The following WFIKKN1 variants were observed in gnomAD, a reference collection of about 807,000 sequenced individuals.
WFIKKN1 encodes the protein WAP, Kazal, immunoglobulin, Kunitz and NTR domain-containing protein 1.
In WFIKKN1, 6 loss-of-function variants were observed where a neutral mutation model predicts 4.6. The observed-to-expected ratio is 1.31, with a 90% CI of 0.72 to 2.59. WFIKKN1 has a LOEUF of 2.59. WFIKKN1 is among the 30% of genes most tolerant of loss of function. The pLI is 0.00. For synonymous variants in WFIKKN1, 468 were observed against 367.4 expected, an observed-to-expected ratio of 1.27 and a Z score of -3.13; for missense variants, 964 against 818.0, an observed-to-expected ratio of 1.18 and a Z score of -2.18.
chr16:633,694 G>A lies in WFIKKN1; in HGVS notation c.1284G>A (p.Leu428=), dbSNP rs765104909. ...RACRLRSKLA[L]SLCRSDFAIV... Reference sequence around the variant, plus strand: ...GCCGCCTCCGGAGCAAGCTGGCGCTGAGCCTGTGCCGCAGCGACTTCGCCA... The same window carrying A: ...GCCGCCTCCGGAGCAAGCTGGCGCTAAGCCTGTGCCGCAGCGACTTCGCCA... The change falls in exon 2 of 2, where the codon CTG becomes CTA. Residue 428 remains leucine (L), a synonymous_variant. Transcript: ENST00000319070. 5.1e-6 allele frequency: 8 copies of A among 1,584,150 alleles called. No individual in the cohort carries two copies. The highest frequency in any genetic ancestry group is 6.9e-6 in the Non-Finnish European group (8 of 1,165,844).
At chr16:631,480 C>T (rs1004959205) in intron 1 of WFIKKN1, 56 bp downstream of exon 1, 3 of 1,569,166 alleles carry the variant, frequency 1.9e-6, no homozygotes, top group Admixed American at 1.9e-5. Context: ...TGGGCAAGAC[C>T]CTGCTGGAGG....
chr16:633,735 C>A lies in WFIKKN1; in HGVS notation c.1325C>A (p.Thr442Lys). The change falls in exon 2 of 2, where the codon ACG (threonine) becomes AAG (lysine). Residue 442 changes from threonine to lysine, a missense_variant. Transcript: ENST00000319070. ...GACTTCGCCATCGTGGGGCGGCTCA[C>A]GGAGGTGCTGGAGGAGCCCGAGGCC... The part of the protein sequence containing the change: ...RSDFAIVGRL[T>K]EVLEEPEAAG... The A allele has an allele frequency of 6.3e-7, 1 of 1,589,912 alleles. No homozygotes were observed. The highest frequency in any genetic ancestry group is 1.7e-4 in the Middle Eastern group (1 of 6,024).
In WFIKKN1 at chr16:631,289, C is replaced by A; in HGVS notation, c.36C>A (p.Leu12=). 1.3e-6 allele frequency: 2 copies of A among 1,593,730 alleles called. No individual in the cohort carries two copies. The highest frequency in any genetic ancestry group is 1.7e-6 in the Non-Finnish European group (2 of 1,176,472). Residue 12 remains leucine, a synonymous_variant, in exon 1 of 2, where the codon CTC becomes CTA. Transcript: ENST00000319070. ...TACGTCCACTCCTGCCGCTCCTGCT[C>A]CTCCTCCGGCTGACCTCGGGGGCTG... The part of the protein sequence containing the change: ...PALRPLLPLL[L]LLRLTSGAGL...
At position 633,830 on chromosome 16, in the gene WFIKKN1, G is replaced by T. The variant is rs760804546; in HGVS notation, c.1420G>T (p.Gly474Cys). The change falls in exon 2 of 2, where the codon GGC becomes TGC. Residue 474 changes from glycine (G) to cysteine (C), a missense_variant. Physicochemically the swap from Gly to Cys is radical, Grantham distance 159. Transcript: ENST00000319070. ...TGACAAGATGGGCCTCAAGTTCTTG[G>T]GCACCAAGTACCTGGAGGTGACGCT... ...KDDKMGLKFL[G>C]TKYLEVTLSG... 2 of 1,601,984 alleles carry T rather than the reference G, an allele frequency of 1.2e-6. No individual in the cohort carries two copies. The highest frequency in any genetic ancestry group is 1.1e-5 in the South Asian group (1 of 89,286).
At position 633,379 on chromosome 16, in the gene WFIKKN1, G is replaced by T; in HGVS notation, c.969G>T (p.Arg323=). Residue 323 remains arginine, a synonymous_variant, in exon 2 of 2, where the codon CGG becomes CGT. Coordinates refer to ENST00000319070, the MANE Select transcript of WFIKKN1 (RefSeq NM_053284.3). Reference sequence around the variant, plus strand: ...TCCTCTGGCACTACGACCCGCAGCGGGGCGGCTGCATGACCTTCCCGGCCC... The same window carrying T: ...TCCTCTGGCACTACGACCCGCAGCGTGGCGGCTGCATGACCTTCCCGGCCC... ...HLVLWHYDPQ[R]GGCMTFPARG... The T allele has an allele frequency of 3.2e-6, 5 of 1,566,638 alleles. No individual in the cohort carries two copies. The highest frequency in any genetic ancestry group is 2.3e-5 in the East Asian group (1 of 43,358).
In WFIKKN1 at chr16:632,777, G is replaced by C. The variant is rs1244725700; in HGVS notation, c.367G>C (p.Glu123Gln). 6 of 1,605,594 alleles carry C rather than the reference G, an allele frequency of 3.7e-6. No homozygotes were observed. The highest frequency in any genetic ancestry group is 5.1e-6 in the Non-Finnish European group (6 of 1,176,176). ...VCRCRDRCEKEPSFTCASDGL... is the reference protein window; with the variant it reads ...VCRCRDRCEKQPSFTCASDGL... ...CCGCTGCCGCGACCGCTGTGAGAAG[G>C]AGCCCAGCTTCACCTGCGCCTCGGA... The change falls in exon 2 of 2, where the codon GAG (glutamate) becomes CAG (glutamine). Residue 123 changes from glutamate to glutamine, a missense_variant. Transcript: ENST00000319070.
At position 632,992 on chromosome 16, in the gene WFIKKN1, A is replaced by G; in HGVS notation, c.582A>G (p.Pro194=). The G allele has an allele frequency of 1.3e-6, 2 of 1,597,922 alleles. No homozygotes were observed. The highest frequency in any genetic ancestry group is 1.7e-6 in the Non-Finnish European group (2 of 1,171,334). ...VPPALYSSPS[P]QAVQVGGTAS... ...CTGCCCTGTACAGCAGCCCCTCCCCACAGGCGGTGCAGGTTGGGGGTACGG... is the reference window on the plus strand; with the variant it reads ...CTGCCCTGTACAGCAGCCCCTCCCCGCAGGCGGTGCAGGTTGGGGGTACGG... The change falls in exon 2 of 2, where the codon CCA becomes CCG. Residue 194 remains proline, a synonymous_variant. Coordinates refer to ENST00000319070, the MANE Select transcript of WFIKKN1 (RefSeq NM_053284.3).
At chr16:631,664 G>A (rs920918354) in intron 1 of WFIKKN1, 15 of 378,808 alleles carry the variant, frequency 4.0e-5, no homozygotes, top group South Asian at 2.0e-4. Context: ...CATCCTCGGC[G>A]ACCACCCCCA....
Position 632,569 on chromosome 16 carries a change from C to A in WFIKKN1, c.172-13C>A, listed in dbSNP as rs780797715. On this transcript the variant is annotated splice_polypyrimidine_tract_variant and intron_variant, in intron 1 of 1. Coordinates refer to ENST00000319070, the MANE Select transcript of WFIKKN1 (RefSeq NM_053284.3). ...GGCATTGGGGCTCCCACCTAAGTGT[C>A]CCCCATCCCCAGGACTGTGCGGCTG... The A allele has an allele frequency of 1.1e-5, 16 of 1,500,540 alleles. No individual in the cohort carries two copies. Among genetic ancestry groups the A allele is most frequent in the Non-Finnish European group, 1.4e-5 (16 of 1,123,628 alleles). 93.0% of individuals were successfully genotyped at this position (1,500,540 alleles called of 1,614,324 possible). A position where few individuals can be genotyped will look rare whatever the true frequency, so the allele number is the denominator to read the frequency against.
intron 1 of WFIKKN1, chr16:631,700 C>A: frequency 3.3e-6 from 1 of 298,860 alleles, no homozygotes; most frequent in Non-Finnish European, 6.1e-6. Context: ...TCCTCCCACC[C>A]TCTCCTCCCA....
Position 631,102 on chromosome 16 carries a change from C to A in WFIKKN1, c.-152C>A. 2 of 885,584 alleles carry A rather than the reference C, an allele frequency of 2.3e-6. No individual in the cohort carries two copies. The highest frequency in any genetic ancestry group is 3.3e-6 in the Non-Finnish European group (2 of 604,764). 54.9% of individuals were successfully genotyped at this position (885,584 alleles called of 1,614,324 possible). A position where few individuals can be genotyped will look rare whatever the true frequency, so the allele number is the denominator to read the frequency against. On this transcript the variant is annotated 5_prime_UTR_variant, in exon 1 of 2. Coordinates refer to ENST00000319070, the MANE Select transcript of WFIKKN1 (RefSeq NM_053284.3). Reference sequence around the variant, plus strand: ...TGTCAGGACAAGCATCTGCTGCAGGCTTCAGCCTCAGGGGCAAAAGGGAGC... The same window carrying A: ...TGTCAGGACAAGCATCTGCTGCAGGATTCAGCCTCAGGGGCAAAAGGGAGC...
In WFIKKN1 at chr16:631,111, CAG is replaced by C. The variant is rs1350206835; in HGVS notation, c.-142_-141del. The stretch of plus-strand genomic sequence containing the variant: ...AAGCATCTGCTGCAGGCTTCAGCCT[CAG>C]GGGCAAAAGGGAGCCCCGGGGTCCT... On this transcript the variant is annotated 5_prime_UTR_variant, in exon 1 of 2. Coordinates refer to ENST00000319070, the MANE Select transcript of WFIKKN1 (RefSeq NM_053284.3). 2.1e-5 allele frequency: 21 copies of C among 979,940 alleles called. No individual in the cohort carries two copies. The highest frequency in any genetic ancestry group is 2.9e-5 in the Non-Finnish European group (20 of 690,558). The allele number at this position is 979,940 out of a possible 1,614,324, so 60.7% of individuals were successfully genotyped here.
At position 633,890 on chromosome 16, in the gene WFIKKN1, A is replaced by G; in HGVS notation, c.1480A>G (p.Met494Val). The G allele has an allele frequency of 3.8e-6, 6 of 1,595,370 alleles. No homozygotes were observed. Among genetic ancestry groups the G allele is most frequent in the Non-Finnish European group, 5.1e-6 (6 of 1,171,704 alleles). Residue 494 changes from methionine (M) to valine (V), a missense_variant, in exon 2 of 2, where the codon ATG becomes GTG. Physicochemically the swap from Met to Val is conservative, Grantham distance 21 (BLOSUM62 1). Transcript: ENST00000319070. ...GGACTGGGCCTGCCCCTGCCCCAAC[A>G]TGACGGCGGGCGACGGGCCGCTGGT... ...GMDWACPCPN[M>V]TAGDGPLVIM...
At position 631,159 on chromosome 16, in the gene WFIKKN1, GC is replaced by G. The variant is rs1276509536; in HGVS notation, c.-92del. The G allele has an allele frequency of 2.1e-6, 3 of 1,400,134 alleles. No homozygotes were observed. Among genetic ancestry groups the G allele is most frequent in the South Asian group, 1.4e-5 (1 of 70,924 alleles). 86.7% of individuals were successfully genotyped at this position (1,400,134 alleles called of 1,614,324 possible). On this transcript the variant is annotated 5_prime_UTR_variant, in exon 1 of 2. Transcript: ENST00000319070. ...GTCCTGGTGGGGGCACCGACCACAG[GC>G]CCGGAGGGTGGATGCCTGCAGGAAG...
intron 1 of WFIKKN1, 24 bp from the exon 2 acceptor site, chr16:632,558 C>T: frequency 6.7e-7 from 1 of 1,486,200 alleles, no homozygotes; most frequent in East Asian, 2.5e-5. Context: ...TTGGGGCTCC[C>T]ACCTAAGTGT....
chr16:631,931 C>T (rs1344088209), intron 1 of WFIKKN1: 1 of 139,158 alleles, frequency 7.2e-6, no homozygotes, highest in African/African-American at 3.0e-5. Flanking sequence ...CCTCTCCTAT[C>T]CACTCCTCCC....
In WFIKKN1 at chr16:631,244, G is replaced by C. The variant is rs771037392; in HGVS notation, c.-10G>C. The C allele has an allele frequency of 1.9e-6, 3 of 1,546,782 alleles. No individual in the cohort carries two copies. Among genetic ancestry groups the C allele is most frequent in the African/African-American group, 1.4e-5 (1 of 72,652 alleles). ...GCCACACCCCCCGGCCCCCTGGCTC[G>C]GCGGCCCTCATGCCCGCCCTACGTC... On this transcript the variant is annotated 5_prime_UTR_variant, in exon 1 of 2. Coordinates refer to ENST00000319070, the MANE Select transcript of WFIKKN1 (RefSeq NM_053284.3).
In WFIKKN1 at chr16:633,634, C is replaced by A; in HGVS notation, c.1224C>A (p.Ala408=). ...ACAGCCGCGAGAGCTGCGAGGATGC[C>A]TGCCCCGTGCCGCGCACACCGCCCT... is the stretch of plus-strand genomic sequence containing the variant. ...NFHSRESCED[A]CPVPRTPPCR... is the part of the protein sequence containing the mutation. Residue 408 remains alanine (A), a synonymous_variant, in exon 2 of 2, where the codon GCC becomes GCA. Transcript: ENST00000319070. 1 of 1,569,770 alleles carries A rather than the reference C, an allele frequency of 6.4e-7. No individual in the cohort carries two copies.
chr16:633,422 G>C lies in WFIKKN1; in HGVS notation c.1012G>C (p.Ala338Pro), dbSNP rs1427781828. ...CCCGGCCCGTGGCTGTGATGGGGCG[G>C]CCCGCGGCTTTGAGACCTACGAGGC... ...TFPARGCDGA[A>P]RGFETYEACQ... Residue 338 changes from alanine to proline, a missense_variant, in exon 2 of 2, where the codon GCC becomes CCC. Physicochemically the swap from Ala to Pro is conservative, Grantham distance 27 (BLOSUM62 -1). Transcript: ENST00000319070. 1.3e-6 allele frequency: 2 copies of C among 1,548,266 alleles called. No homozygotes were observed. Among genetic ancestry groups the C allele is most frequent in the African/African-American group, 2.8e-5 (2 of 72,516 alleles).
Sources: allele counts gnomAD v4.1 joint callset, GRCh38; gene constraint gnomAD v4.1.1; transcripts MANE v1.5; gene names NCBI Gene and HGNC (gene_info 2026-07-23, HGNC 2026-07-21).